BBX: variants seen among roughly 807,000 people sequenced by gnomAD.
BBX encodes HMG box transcription factor BBX.
In BBX, 30 loss-of-function variants were observed where a neutral mutation model predicts 100.2. The observed-to-expected ratio is 0.30, with a 90% CI of 0.22 to 0.41. The LOEUF is 0.41. BBX is among the 10% of genes least tolerant of loss of function. The pLI, the probability that BBX is intolerant of heterozygous loss-of-function variation, is 1.00. For synonymous variants in BBX, 376 were observed against 388.1 expected (o/e 0.97, Z 0.37); for missense variants, 1,023 against 1,129.8 (o/e 0.91, Z 1.35).
chr3:107,703,765 CATT>C (rs1218595274), intron 3 of BBX, among the ~76,000 whole-genome samples: 1 of 152,122 alleles, frequency 6.6e-6, no homozygotes, highest in Non-Finnish European at 1.5e-5. Flanking sequence ...TTAGAATTGT[CATT>C]AGAATTACAA....
intron 2 of BBX, among the ~76,000 whole-genome samples, chr3:107,638,024 C>A (rs2056954161): frequency 6.6e-6 from 1 of 152,130 alleles, no homozygotes; most frequent in Non-Finnish European, 1.5e-5. Context: ...AGCCATCCTC[C>A]CACCTCAGCC....
intron 10 of BBX, among the ~76,000 whole-genome samples, chr3:107,766,096 G>C (rs187859867): frequency 6.6e-6 from 1 of 152,110 alleles, no homozygotes; most frequent in Non-Finnish European, 1.5e-5. Context: ...TTTGACGTAA[G>C]GAAGAGTGAG....
rs2071249500 is a variant in BBX at position 107,810,653 on chromosome 3, G to C, written c.*5196G>C. 1 of 152,252 alleles carries C rather than the reference G, an allele frequency of 6.6e-6. No individual in the cohort carries two copies. The highest frequency in any genetic ancestry group is 2.4e-5 in the African/African-American group (1 of 41,464). The allele number at this position is 152,252 out of a possible 1,614,324, so 9.4% of individuals were successfully genotyped here. ...CCTCAGCTCTAAGAGCCGTGGAACGGGGGGTAGGGAAGGTTTGCGATCTGG... is the reference window on the plus strand; with the variant it reads ...CCTCAGCTCTAAGAGCCGTGGAACGCGGGGTAGGGAAGGTTTGCGATCTGG... On this transcript the variant is annotated 3_prime_UTR_variant, in exon 18 of 18. Coordinates refer to ENST00000325805, the MANE Select transcript of BBX (RefSeq NM_001142568.3).
chr3:107,737,094 C>T (rs916595365), intron 7 of BBX, among the ~76,000 whole-genome samples: 1 of 151,992 alleles, frequency 6.6e-6, no homozygotes, highest in African/African-American at 2.4e-5. Flanking sequence ...CTAATAATAC[C>T]TGCTTGCCTT....
At chr3:107,626,902 G>A (rs1033159856) in intron 2 of BBX, among the ~76,000 whole-genome samples, 4 of 151,972 alleles carry the variant, frequency 2.6e-5, no homozygotes, top group South Asian at 4.2e-4. Flanking sequence ...TGATCCGCCC[G>A]TCTTGGCCTC....
intron 3 of BBX, among the ~76,000 whole-genome samples, chr3:107,648,865 A>G (rs1470182807): frequency 1.3e-5 from 2 of 152,270 alleles, no homozygotes; most frequent in Admixed American, 1.3e-4. Flanking sequence ...CCAATAGTAT[A>G]TAAACAATGC....
chr3:107,626,654 AT>A (rs11331777), intron 2 of BBX, among the ~76,000 whole-genome samples: 91,746 of 131,400 alleles, frequency 0.7, 31,842 homozygotes, highest in East Asian at 0.95. Flanking sequence ...TTTCCATAGG[AT>A]TTTTTTTTTT....
intron 3 of BBX, among the ~76,000 whole-genome samples, chr3:107,706,022 C>CTTTT (rs35648451): frequency 7.8e-6 from 1 of 128,862 alleles, no homozygotes; most frequent in African/African-American, 2.9e-5. Context: ...GAGCTTGCTA[C>CTTTT]TTTTTTTTTT....
intron 3 of BBX, among the ~76,000 whole-genome samples, chr3:107,687,674 G>T (rs2059927705): frequency 6.6e-6 from 1 of 152,018 alleles, no homozygotes; most frequent in Admixed American, 6.6e-5. Context: ...CTAGACACTG[G>T]TCATTTTTAC....
At chr3:107,758,020 A>C (rs1020563926) in intron 10 of BBX, among the ~76,000 whole-genome samples, 1 of 152,012 alleles carries the variant, frequency 6.6e-6, no homozygotes, top group East Asian at 1.9e-4. Context: ...TCTTATCCCC[A>C]CTCCAATCTC....
chr3:107,743,920 T>TTTTTTTTTTTTTTTTTTTTTG (rs2064338349), intron 7 of BBX, among the ~76,000 whole-genome samples: 2 of 4,506 alleles, frequency 4.4e-4, no homozygotes, highest in African/African-American at 2.0e-3. Flanking sequence ...TTTTAGTGGT[T>TTTTTTTTTTTTTTTTTTTTTG]TTTTTTTTTT....
At chr3:107,698,305 A>G (rs2108160664) in intron 3 of BBX, among the ~76,000 whole-genome samples, 1 of 151,770 alleles carries the variant, frequency 6.6e-6, no homozygotes, top group East Asian at 1.9e-4. Flanking sequence ...TTTTAGATGA[A>G]ATTTAATATA....
chr3:107,805,634 C>G lies in BBX; in HGVS notation c.*177C>G. The stretch of plus-strand genomic sequence containing the variant: ...AGCATCCTGGGCCAGTTTGTTCTCT[C>G]AGAACCCAGAATCTTTGAGGGTAAG... On this transcript the variant is annotated 3_prime_UTR_variant, in exon 18 of 18. Transcript: ENST00000325805. 8.3e-7 allele frequency: 1 copy of G among 1,200,216 alleles called. No individual in the cohort carries two copies. The allele number at this position is 1,200,216 out of a possible 1,614,324, so 74.3% of individuals were successfully genotyped here. A position where few individuals can be genotyped will look rare whatever the true frequency, so the allele number is the denominator to read the frequency against.
intron 14 of BBX, 44 bp from the exon 15 acceptor site, chr3:107,791,194 AAG>A (rs1455887301): frequency 6.7e-7 from 1 of 1,497,028 alleles, no homozygotes; most frequent in South Asian, 1.1e-5. Flanking sequence ...GGAATCTACT[AAG>A]AGTAGAGTTT....
intron 2 of BBX, among the ~76,000 whole-genome samples, chr3:107,600,121 T>C (rs557153985): frequency 1.8e-4 from 28 of 152,336 alleles, no homozygotes; most frequent in African/African-American, 6.7e-4. Flanking sequence ...CCTAAAACCA[T>C]TGATGCCTGA....
chr3:107,773,271 G>T lies in BBX; in HGVS notation c.1550G>T (p.Gly517Val), dbSNP rs774737844. The T allele has an allele frequency of 6.2e-7, 1 of 1,614,056 alleles. No individual in the cohort carries two copies. The highest frequency in any genetic ancestry group is 1.3e-5 in the African/African-American group (1 of 75,032). ...AAGAAGGTCCGCACATCCTCAAGTG[G>T]CAAGGGAAGCATTTTGGATGCCAAG... ...PRKKVRTSSSGKGSILDAKPP... is the reference protein window; with the variant it reads ...PRKKVRTSSSVKGSILDAKPP... The change falls in exon 11 of 18, where the codon GGC becomes GTC. Residue 517 changes from glycine to valine, a missense_variant. By Grantham distance (109) the Gly-to-Val change is moderately radical. Coordinates refer to ENST00000325805, the MANE Select transcript of BBX (RefSeq NM_001142568.3). The surrounding 1 kb of genome is among the most constrained non-coding windows in gnomAD (Gnocchi z 4.1).
chr3:107,744,579 C>G, intron 7 of BBX, 51 bp from the exon 8 acceptor site: 1 of 1,410,138 alleles, frequency 7.1e-7, no homozygotes, highest in South Asian at 1.2e-5. Context: ...AAATGTTTAC[C>G]TAACACAGTA....
chr3:107,697,211 C>A (rs2060678820), intron 3 of BBX, among the ~76,000 whole-genome samples: 1 of 151,900 alleles, frequency 6.6e-6, no homozygotes, highest in African/African-American at 2.4e-5. Flanking sequence ...CAAAGTCATT[C>A]TCCGTCCAGC....
intron 4 of BBX, among the ~76,000 whole-genome samples, chr3:107,713,356 G>C (rs191655708): frequency 1.6e-4 from 25 of 152,252 alleles, no homozygotes; most frequent in Admixed American, 7.2e-4. Context: ...AATTCATGCT[G>C]TTGTTAGAAG....
Sources: allele counts gnomAD v4.1 joint callset (sites outside exome capture counted in the v4.1 genomes callset), GRCh38; gene constraint gnomAD v4.1.1; non-coding constraint Gnocchi (gnomAD v3.1); transcripts MANE v1.5; gene names NCBI Gene and HGNC (gene_info 2026-07-23, HGNC 2026-07-21).